The following CPPED1 variants were observed in gnomAD, a reference collection of about 807,000 sequenced individuals.
CPPED1 encodes the protein serine/threonine-protein phosphatase CPPED1.
A neutral mutation model predicts 28.0 loss-of-function variants in CPPED1; 28 were observed. The ratio of observed to expected loss-of-function variants is 1.00; its 90% CI spans 0.74 to 1.37. The LOEUF (loss-of-function observed/expected upper bound fraction) is 1.37, where lower values mean the gene tolerates loss of function less well. CPPED1 is among the 40% of genes most tolerant of loss of function. The probability of loss-of-function intolerance (pLI) is 0.00; values close to 1 mark genes in which losing one functional copy is unlikely to be tolerated. For missense variants in CPPED1, 504 were observed against 416.5 expected (o/e 1.21, Z -1.83); for synonymous variants, 198 against 180.2 (o/e 1.10, Z -0.79).
intron 2 of CPPED1, among the ~76,000 whole-genome samples, chr16:12,769,792 G>A (rs573944360): frequency 6.6e-6 from 1 of 152,120 alleles, no homozygotes; most frequent in Non-Finnish European, 1.5e-5. Context: ...CCAGAGGCTG[G>A]TGATATTTCA....
intron 1 of CPPED1, among the ~76,000 whole-genome samples, chr16:12,781,863 G>T (rs568466873): frequency 2.0e-5 from 3 of 152,118 alleles, no homozygotes; most frequent in African/African-American, 4.8e-5. Context: ...CCGTTTCGGG[G>T]GATGTGACAG....
chr16:12,798,242 G>A (rs577531333), intron 1 of CPPED1, among the ~76,000 whole-genome samples: 1 of 152,304 alleles, frequency 6.6e-6, no homozygotes, highest in Non-Finnish European at 1.5e-5. Flanking sequence ...TTACAACAAA[G>A]AGTTGAGAAA....
At chr16:12,703,658 G>A (rs527965814) in intron 3 of CPPED1, among the ~76,000 whole-genome samples, 1 of 149,920 alleles carries the variant, frequency 6.7e-6, no homozygotes, top group East Asian at 1.9e-4. Context: ...CTCCAGCCTG[G>A]GCAACAGAAC....
chr16:12,729,555 C>A (rs548214640), intron 2 of CPPED1, among the ~76,000 whole-genome samples: 1 of 152,128 alleles, frequency 6.6e-6, no homozygotes, highest in African/African-American at 2.4e-5. Context: ...CTGCAGAAAA[C>A]GACGTCTGGA....
chr16:12,716,543 T>C (rs915907678), intron 2 of CPPED1, among the ~76,000 whole-genome samples: 1 of 152,248 alleles, frequency 6.6e-6, no homozygotes, highest in Non-Finnish European at 1.5e-5. Context: ...GATTCCATGC[T>C]ACAGTCTGAA....
At chr16:12,703,832 T>C (rs2080033306) in intron 3 of CPPED1, among the ~76,000 whole-genome samples, 1 of 152,132 alleles carries the variant, frequency 6.6e-6, no homozygotes, top group Non-Finnish European at 1.5e-5. Flanking sequence ...GAAAGGCCCA[T>C]GGCAGGTGCT....
At chr16:12,781,873 G>A (rs570010696) in intron 1 of CPPED1, among the ~76,000 whole-genome samples, 9 of 152,176 alleles carry the variant, frequency 5.9e-5, no homozygotes, top group Non-Finnish European at 1.2e-4. Flanking sequence ...GGATGTGACA[G>A]AATTTTAATT....
At chr16:12,720,471 C>T (rs2080133572) in intron 2 of CPPED1, 1 of 153,034 alleles carries the variant, frequency 6.5e-6, no homozygotes, top group African/African-American at 2.4e-5. Context: ...TTGATATTAA[C>T]AAAGTGTTTT....
At chr16:12,757,943 C>A (rs1364442410) in intron 2 of CPPED1, 1 of 151,708 alleles carries the variant, frequency 6.6e-6, no homozygotes, top group Admixed American at 6.6e-5. Context: ...ATTATTGAGG[C>A]AAATCATGCA....
chr16:12,775,991 G>T (rs1053774364), intron 2 of CPPED1, among the ~76,000 whole-genome samples: 2 of 152,156 alleles, frequency 1.3e-5, no homozygotes, highest in Non-Finnish European at 2.9e-5. Context: ...CTAACTCCTG[G>T]AACTTACAAA....
intron 3 of CPPED1, among the ~76,000 whole-genome samples, chr16:12,697,172 G>C (rs1305855183): frequency 1.3e-5 from 2 of 151,902 alleles, no homozygotes; most frequent in Non-Finnish European, 2.9e-5. Flanking sequence ...CTACAAGTGT[G>C]TGCCATCACG....
chr16:12,740,101 G>T (rs1426517931), intron 2 of CPPED1, among the ~76,000 whole-genome samples: 2 of 151,612 alleles, frequency 1.3e-5, no homozygotes, highest in African/African-American at 2.4e-5. Flanking sequence ...AGGAAGGAAA[G>T]GAAGGAAAGG....
chr16:12,702,688 G>A (rs2080026734), intron 3 of CPPED1, among the ~76,000 whole-genome samples: 1 of 152,188 alleles, frequency 6.6e-6, no homozygotes, highest in Non-Finnish European at 1.5e-5. Flanking sequence ...GGGCAGTCAT[G>A]GGCTTTACAT....
intron 1 of CPPED1, among the ~76,000 whole-genome samples, chr16:12,791,299 A>T (rs2080595221): frequency 2.0e-5 from 3 of 151,892 alleles, no homozygotes; most frequent in Admixed American, 2.0e-4. Flanking sequence ...CCTGCTTATG[A>T]GTGAGAACAT....
chr16:12,779,929 C>A (rs2080519993), intron 2 of CPPED1, among the ~76,000 whole-genome samples: 1 of 152,152 alleles, frequency 6.6e-6, no homozygotes, highest in South Asian at 2.1e-4. Flanking sequence ...GGAGCACTCT[C>A]CGTTTGCTTA....
At chr16:12,741,604 G>C (rs1403750096) in intron 2 of CPPED1, among the ~76,000 whole-genome samples, 1 of 152,194 alleles carries the variant, frequency 6.6e-6, no homozygotes, top group African/African-American at 2.4e-5. Flanking sequence ...CTATGGGACA[G>C]AAGCCCCTTT....
chr16:12,661,447 A>T lies in CPPED1; in HGVS notation c.*3439T>A, dbSNP rs2079793920. On this transcript the variant is annotated 3_prime_UTR_variant, in exon 4 of 4. Coordinates refer to ENST00000381774, the MANE Select transcript of CPPED1 (RefSeq NM_018340.3). Reference sequence around the variant, plus strand: ...TAGGAGAAACTTGACTAAAGATGTGAGATAAAATTATTTATTGTAAAAAGT... The same window carrying T: ...TAGGAGAAACTTGACTAAAGATGTGTGATAAAATTATTTATTGTAAAAAGT... The T allele has an allele frequency of 6.6e-6, 1 of 152,206 alleles. No individual in the cohort carries two copies. The highest frequency in any genetic ancestry group is 2.4e-5 in the African/African-American group (1 of 41,446). 9.4% of individuals were successfully genotyped at this position (152,206 alleles called of 1,614,324 possible).
intron 3 of CPPED1, among the ~76,000 whole-genome samples, chr16:12,666,589 C>T (rs1399121908): frequency 6.6e-6 from 1 of 152,004 alleles, no homozygotes. Context: ...CCACTGTGGC[C>T]GTGGCTGATT....
chr16:12,708,380 C>T (rs1345681667), intron 2 of CPPED1, among the ~76,000 whole-genome samples: 1 of 152,108 alleles, frequency 6.6e-6, no homozygotes, highest in African/African-American at 2.4e-5. Flanking sequence ...AATTCCCATA[C>T]CTCAGGAATG....
Sources: allele counts gnomAD v4.1 joint callset (sites outside exome capture counted in the v4.1 genomes callset), GRCh38; gene constraint gnomAD v4.1.1; transcripts MANE v1.5; gene names NCBI Gene and HGNC (gene_info 2026-07-23, HGNC 2026-07-21).